DDIAS: variants seen among roughly 807,000 people sequenced by gnomAD.
The protein encoded by DDIAS is DNA damage induced apoptosis suppressor.
In DDIAS, 14 loss-of-function variants were observed where a neutral mutation model predicts 15.7. The ratio of observed to expected loss-of-function variants is 0.89; its 90% CI spans 0.59 to 1.39. The LOEUF is 1.39. DDIAS is among the 40% of genes most tolerant of loss of function. The pLI, the probability that DDIAS is intolerant of heterozygous loss-of-function variation, is 0.00. For missense variants in DDIAS, 1,035 were observed against 1,130.9 expected, an observed-to-expected ratio of 0.92 and a Z score of 1.22; for synonymous variants, 355 against 395.9, an observed-to-expected ratio of 0.90 and a Z score of 1.23.
At chr11:82,927,429 A>C (rs958932246) in intron 3 of DDIAS, among the ~76,000 whole-genome samples, 1 of 152,236 alleles carries the variant, frequency 6.6e-6, no homozygotes, top group Non-Finnish European at 1.5e-5. Flanking sequence ...GATCTAATAA[A>C]GGTGAGTCAC....
intron 4 of DDIAS, among the ~76,000 whole-genome samples, chr11:82,929,883 C>T (rs1860947401): frequency 6.6e-6 from 1 of 152,172 alleles, no homozygotes; most frequent in African/African-American, 2.4e-5. Context: ...GATGCCACCA[C>T]TATTCCCACT....
intron 2 of DDIAS, 86 bp from the exon 3 acceptor site, chr11:82,914,637 T>A (rs1322138838): frequency 9.7e-6 from 6 of 617,658 alleles, no homozygotes; most frequent in Non-Finnish European, 1.7e-5. Flanking sequence ...AGCTTTGCAG[T>A]AGAGGTTAAG....
rs1861008114 is a variant in DDIAS, at chr11:82,932,274, T to C, written c.936T>C (p.Gly312=). ...MDKKSTAEKL[G]KELGLQAKEL... Reference sequence around the variant, plus strand: ...AAAAGAGTACAGCAGAAAAGTTGGGTAAAGAACTTGGCTTACAAGCTAAGG... The same window carrying C: ...AAAAGAGTACAGCAGAAAAGTTGGGCAAAGAACTTGGCTTACAAGCTAAGG... The change falls in exon 6 of 6, where the codon GGT becomes GGC. Residue 312 remains glycine (G), a synonymous_variant. Transcript: ENST00000533655. 2 of 1,613,594 alleles carry C rather than the reference T, an allele frequency of 1.2e-6. No individual in the cohort carries two copies. Among genetic ancestry groups the C allele is most frequent in the Non-Finnish European group, 1.7e-6 (2 of 1,179,754 alleles).
intron 1 of DDIAS, among the ~76,000 whole-genome samples, chr11:82,902,387 C>T (rs755797314): frequency 6.6e-6 from 1 of 150,780 alleles, no homozygotes; most frequent in Middle Eastern, 3.4e-3. Flanking sequence ...TGACAGTAAC[C>T]CCCCCCTCCC....
intron 1 of DDIAS, among the ~76,000 whole-genome samples, chr11:82,910,194 A>G (rs1158514956): frequency 6.6e-6 from 1 of 152,204 alleles, no homozygotes; most frequent in Admixed American, 6.5e-5. Flanking sequence ...AAACAGTTAC[A>G]AAGACCTTTG....
At chr11:82,927,772 T>A (rs1358847359) in intron 3 of DDIAS, among the ~76,000 whole-genome samples, 1 of 152,226 alleles carries the variant, frequency 6.6e-6, no homozygotes, top group Non-Finnish European at 1.5e-5. Context: ...TGACAGTAAT[T>A]ATCACAATAC....
chr11:82,923,542 AC>A (rs1860799659), intron 3 of DDIAS, among the ~76,000 whole-genome samples: 1 of 151,990 alleles, frequency 6.6e-6, no homozygotes, highest in Admixed American at 6.5e-5. Context: ...TATGGAATTA[AC>A]TTTCTTACCT....
chr11:82,933,643 G>A lies in DDIAS; in HGVS notation c.2305G>A (p.Val769Ile), dbSNP rs368341918. The A allele has an allele frequency of 6.2e-7, 1 of 1,613,926 alleles. No homozygotes were observed. Among genetic ancestry groups the A allele is most frequent in the Non-Finnish European group, 8.5e-7 (1 of 1,179,926 alleles). Residue 769 changes from valine to isoleucine, a missense_variant, in exon 6 of 6, where the codon GTT becomes ATT. Val to Ile is a conservative substitution (Grantham distance 29). Coordinates refer to ENST00000533655, the MANE Select transcript of DDIAS (RefSeq NM_145018.4). ...TAATTTTGAAAATAGTCAAGACTTT[G>A]TTCCATGTTCACAGTCAACTCCAAT... ...EYNFENSQDFVPCSQSTPISG... is the reference protein window; with the variant it reads ...EYNFENSQDFIPCSQSTPISG...
rs757001746 is a variant in DDIAS at position 82,932,465 on chromosome 11, A to G, written c.1127A>G (p.His376Arg). The part of the protein sequence containing the change: ...SQHELPCFQH[H>R]GIDTPTSLQK... Reference sequence around the variant, plus strand: ...CATGAGCTACCATGTTTTCAGCATCATGGTATAGATACCCCAACTAGCCTT... The same window carrying G: ...CATGAGCTACCATGTTTTCAGCATCGTGGTATAGATACCCCAACTAGCCTT... The change falls in exon 6 of 6, where the codon CAT becomes CGT. Residue 376 changes from histidine (H) to arginine (R), a missense_variant. Physicochemically the swap from His to Arg is conservative, Grantham distance 29. Coordinates refer to ENST00000533655, the MANE Select transcript of DDIAS (RefSeq NM_145018.4). 6.2e-7 allele frequency: 1 copy of G among 1,614,228 alleles called. No homozygotes were observed. The highest frequency in any genetic ancestry group is 8.5e-7 in the Non-Finnish European group (1 of 1,180,042).
chr11:82,903,105 T>TTAA (rs1860356729), intron 1 of DDIAS, among the ~76,000 whole-genome samples: 1 of 152,180 alleles, frequency 6.6e-6, no homozygotes, highest in Non-Finnish European at 1.5e-5. Flanking sequence ...GCTTGACATG[T>TTAA]TAATGTTCAA....
At chr11:82,908,466 A>G (rs897751054) in intron 1 of DDIAS, among the ~76,000 whole-genome samples, 1 of 152,218 alleles carries the variant, frequency 6.6e-6, no homozygotes, top group Non-Finnish European at 1.5e-5. Context: ...ATGTACCTCC[A>G]TACTAAACCC....
At chr11:82,923,835 G>C (rs1206245539) in intron 3 of DDIAS, among the ~76,000 whole-genome samples, 1 of 152,078 alleles carries the variant, frequency 6.6e-6, no homozygotes, top group South Asian at 2.1e-4. Context: ...TGTGTACAAA[G>C]TTAGTTCGGT....
chr11:82,904,523 A>G (rs938876618), intron 1 of DDIAS, among the ~76,000 whole-genome samples: 1 of 152,220 alleles, frequency 6.6e-6, no homozygotes. Flanking sequence ...ATTTAACTAT[A>G]ACCATGTTTA....
intron 1 of DDIAS, among the ~76,000 whole-genome samples, chr11:82,905,400 C>A (rs1195323312): frequency 2.0e-5 from 3 of 152,032 alleles, no homozygotes; most frequent in Middle Eastern, 3.2e-3. Flanking sequence ...AAAAGCAATA[C>A]ACTTAGATTG....
chr11:82,926,075 T>A (rs1316639980), intron 3 of DDIAS, among the ~76,000 whole-genome samples: 1 of 149,178 alleles, frequency 6.7e-6, no homozygotes, highest in East Asian at 1.9e-4. Flanking sequence ...ATATATTCAA[T>A]CTTTGGCAAG....
chr11:82,925,985 C>CA (rs35097776), intron 3 of DDIAS, among the ~76,000 whole-genome samples: 94 of 136,058 alleles, frequency 6.9e-4, no homozygotes, highest in Admixed American at 2.6e-3. Flanking sequence ...GACACTGTCT[C>CA]AAAAAAAAAA....
rs143776868 is a variant in DDIAS at position 82,931,910 on chromosome 11, G to A, written c.572G>A (p.Arg191Lys). Residue 191 changes from arginine (R) to lysine (K), a missense_variant, in exon 6 of 6, where the codon AGG (arginine) becomes AAG (lysine). By Grantham distance (26) the Arg-to-Lys change is conservative. Coordinates refer to ENST00000533655, the MANE Select transcript of DDIAS (RefSeq NM_145018.4). ...CAACTTTTGCAGACTTTTAATTTCA[G>A]GAAACTTCAGTGTGACTCTCAGGCA... ...FHQLLQTFNFRKLQCDSQAPN... is the reference protein window; with the variant it reads ...FHQLLQTFNFKKLQCDSQAPN... The A allele has an allele frequency of 2.2e-3, 3,568 of 1,614,086 alleles. 33 individuals carry two copies. The highest frequency in any genetic ancestry group is 0.014 in the South Asian group (1,297 of 91,076).
At chr11:82,907,681 A>G (rs1180228251) in intron 1 of DDIAS, among the ~76,000 whole-genome samples, 2 of 152,206 alleles carry the variant, frequency 1.3e-5, no homozygotes, top group Non-Finnish European at 2.9e-5. Flanking sequence ...CTGGAACTAC[A>G]AGCATGCACC....
At chr11:82,911,947 G>A (rs1286249995) in intron 1 of DDIAS, among the ~76,000 whole-genome samples, 1 of 152,188 alleles carries the variant, frequency 6.6e-6, no homozygotes, top group Non-Finnish European at 1.5e-5. Context: ...TTGTCAATGA[G>A]CATTAATATG....
Sources: allele counts gnomAD v4.1 joint callset (sites outside exome capture counted in the v4.1 genomes callset), GRCh38; gene constraint gnomAD v4.1.1; transcripts MANE v1.5; gene names NCBI Gene and HGNC (gene_info 2026-07-23, HGNC 2026-07-21).